NIPBL: variants seen among roughly 807,000 people sequenced by gnomAD.
NIPBL encodes the protein NIPBL cohesin loading factor.
Under a neutral mutation model 321.8 loss-of-function variants are expected in NIPBL, and 19 were observed. The observed-to-expected ratio is 0.06, with a 90% CI of 0.04 to 0.09. NIPBL has a LOEUF of 0.09. NIPBL is among the 10% of genes least tolerant of loss of function. NIPBL has a pLI of 1.00. For synonymous variants in NIPBL, 1,106 were observed against 1,114.1 expected (o/e 0.99, Z 0.14); for missense variants, 2,210 against 3,327.0 (o/e 0.66, Z 8.26).
intron 1 of NIPBL, among the ~76,000 whole-genome samples, chr5:36,899,120 T>G (rs1747013011): frequency 6.6e-6 from 1 of 152,308 alleles, no homozygotes; most frequent in East Asian, 1.9e-4. Flanking sequence ...GATTCTCACT[T>G]TGGGAAATGG....
chr5:36,970,851 C>CT (rs757552166), intron 6 of NIPBL, 25 bp from the exon 7 acceptor site: 19 of 1,597,712 alleles, frequency 1.2e-5, no homozygotes, highest in Non-Finnish European at 8.6e-7. Context: ...TTTATTAAAC[C>CT]TTTTTTTATT....
intron 6 of NIPBL, 123 bp from the exon 7 acceptor site, chr5:36,970,753 A>T: frequency 2.4e-6 from 2 of 839,018 alleles, no homozygotes; most frequent in Non-Finnish European, 3.9e-6. Context: ...TAGTCAGTAC[A>T]TGAGTATCTG....
intron 3 of NIPBL, 36 bp from the exon 4 acceptor site, chr5:36,958,068 C>T (rs767652636): frequency 1.9e-6 from 3 of 1,606,212 alleles, no homozygotes; most frequent in South Asian, 2.2e-5. Context: ...AATCAGTCAC[C>T]ATTTTAATTT....
intron 1 of NIPBL, among the ~76,000 whole-genome samples, chr5:36,931,912 T>G (rs1347052204): frequency 1.1e-4 from 16 of 152,068 alleles, no homozygotes; most frequent in Admixed American, 1.0e-3. Context: ...AGGCTGTTCT[T>G]TCTAATATGG....
intron 36 of NIPBL, among the ~76,000 whole-genome samples, chr5:37,045,208 G>A (rs1752846677): frequency 6.6e-6 from 1 of 152,074 alleles, no homozygotes; most frequent in African/African-American, 2.4e-5. Context: ...ACAAAAATTT[G>A]CCAGGCGTGG....
intron 1 of NIPBL, among the ~76,000 whole-genome samples, chr5:36,905,098 T>G (rs926793379): frequency 6.6e-6 from 1 of 152,126 alleles, no homozygotes; most frequent in Non-Finnish European, 1.5e-5. Flanking sequence ...GGTTGGTTGG[T>G]TGGTTGGTTG....
chr5:36,955,511 C>T lies in NIPBL; in HGVS notation c.104C>T (p.Thr35Ile). The T allele has an allele frequency of 6.2e-7, 1 of 1,613,924 alleles. No individual in the cohort carries two copies. The highest frequency in any genetic ancestry group is 1.1e-5 in the South Asian group (1 of 91,072). ...CCTCTTCCATCTCCTTTACCTGCTACAACTACAAAGAGCCTTCTCTTTAAT... is the reference window on the plus strand; with the variant it reads ...CCTCTTCCATCTCCTTTACCTGCTATAACTACAAAGAGCCTTCTCTTTAAT... ...QLPLPSPLPATTTKSLLFNAR... is the reference protein window; with the variant it reads ...QLPLPSPLPAITTKSLLFNAR... Residue 35 changes from threonine to isoleucine, a missense_variant, in exon 3 of 47, where the codon ACA becomes ATA. Coordinates refer to ENST00000282516, the MANE Select transcript of NIPBL (RefSeq NM_133433.4).
At chr5:36,962,889 A>G (rs1483968239) in intron 6 of NIPBL, among the ~76,000 whole-genome samples, 1 of 152,174 alleles carries the variant, frequency 6.6e-6, no homozygotes, top group African/African-American at 2.4e-5. Context: ...TATATCAGGG[A>G]CTTTTAAGCA....
intron 20 of NIPBL, among the ~76,000 whole-genome samples, chr5:37,009,346 C>G (rs1747824610): frequency 1.3e-5 from 2 of 152,162 alleles, no homozygotes; most frequent in African/African-American, 4.8e-5. Context: ...TTACCCACTG[C>G]TATGGTCAGC....
intron 32 of NIPBL, among the ~76,000 whole-genome samples, chr5:37,033,730 A>ATATATTTTTTTT (rs775482943): frequency 9.3e-5 from 2 of 21,506 alleles, no homozygotes; most frequent in African/African-American, 4.1e-4. Flanking sequence ...ATATATATAT[A>ATATATTTTTTTT]TTTTTTTTTT....
Position 36,985,843 on chromosome 5 carries a change from C to T in NIPBL, c.2663C>T (p.Ser888Leu). ...RERPSSGEQK[S>L]RPDSPRVKQG... ...AGACCATCTTCTGGGGAACAAAAATCAAGACCTGACAGTCCTCGTGTTAAA... is the reference window on the plus strand; with the variant it reads ...AGACCATCTTCTGGGGAACAAAAATTAAGACCTGACAGTCCTCGTGTTAAA... The change falls in exon 10 of 47, where the codon TCA (serine) becomes TTA (leucine). Residue 888 changes from serine to leucine, a missense_variant. Ser to Leu is a moderately radical substitution (Grantham distance 145, BLOSUM62 -2). Transcript: ENST00000282516. 6.2e-7 allele frequency: 1 copy of T among 1,613,878 alleles called. No homozygotes were observed. Among genetic ancestry groups the T allele is most frequent in the South Asian group, 1.1e-5 (1 of 91,074 alleles).
chr5:36,968,560 AAAG>A (rs899663020), intron 6 of NIPBL, among the ~76,000 whole-genome samples: 15 of 152,224 alleles, frequency 9.9e-5, no homozygotes, highest in African/African-American at 1.4e-4. Context: ...CTCAAAAAAA[AAAG>A]AAGAAAAATA....
At chr5:37,005,668 A>T (rs1747345326) in intron 16 of NIPBL, among the ~76,000 whole-genome samples, 1 of 152,102 alleles carries the variant, frequency 6.6e-6, no homozygotes, top group Non-Finnish European at 1.5e-5. Flanking sequence ...ATAAGCTTTG[A>T]ATTGGAAGTA....
At chr5:36,992,880 C>A (rs1438512624) in intron 10 of NIPBL, among the ~76,000 whole-genome samples, 1 of 151,436 alleles carries the variant, frequency 6.6e-6, no homozygotes, top group African/African-American at 2.4e-5. Flanking sequence ...GTAGCTGGGA[C>A]TACAGGCACC....
At chr5:36,915,160 A>G (rs1002723520) in intron 1 of NIPBL, among the ~76,000 whole-genome samples, 5 of 152,058 alleles carry the variant, frequency 3.3e-5, no homozygotes, top group African/African-American at 1.2e-4. Context: ...AATATCCAAA[A>G]TGTCCTATAT....
intron 1 of NIPBL, among the ~76,000 whole-genome samples, chr5:36,923,233 G>C (rs188383): frequency 0.22 from 33,614 of 151,548 alleles, 5,125 homozygotes; most frequent in African/African-American, 0.43. Flanking sequence ...TTGAACCCAG[G>C]AGGTGGAGGT....
intron 1 of NIPBL, among the ~76,000 whole-genome samples, chr5:36,940,848 A>G (rs1449752551): frequency 2.6e-5 from 4 of 152,204 alleles, no homozygotes; most frequent in Non-Finnish European, 5.9e-5. Flanking sequence ...AATGCTAGGC[A>G]TATGTTAAGC....
intron 1 of NIPBL, among the ~76,000 whole-genome samples, chr5:36,888,862 C>G (rs1746111667): frequency 6.6e-6 from 1 of 152,072 alleles, no homozygotes; most frequent in African/African-American, 2.4e-5. Context: ...AAAAACAAAG[C>G]AAGCATTTTC....
At chr5:37,057,586 T>C (rs1385960033) in intron 43 of NIPBL, among the ~76,000 whole-genome samples, 14 of 152,230 alleles carry the variant, frequency 9.2e-5, no homozygotes, top group Non-Finnish European at 2.1e-4. Flanking sequence ...TCTCTCACTT[T>C]AAGCACTGAC....
Sources: allele counts gnomAD v4.1 joint callset (sites outside exome capture counted in the v4.1 genomes callset), GRCh38; gene constraint gnomAD v4.1.1; transcripts MANE v1.5; gene names NCBI Gene and HGNC (gene_info 2026-07-23, HGNC 2026-07-21).